Variants in SENP8 observed in about 807,000 individuals in gnomAD.
SENP8 encodes the protein SUMO peptidase family member, NEDD8 specific.
A neutral mutation model predicts 14.4 loss-of-function variants in SENP8; 10 were observed. The ratio of observed to expected loss-of-function variants is 0.69; its 90% CI spans 0.43 to 1.18. SENP8 has a LOEUF of 1.18. SENP8 is among the 50% of genes most tolerant of loss of function. SENP8 has a pLI of 0.00. For missense variants in SENP8, 202 were observed against 249.4 expected, an observed-to-expected ratio of 0.81 and a Z score of 1.28; for synonymous variants, 94 against 95.5, an observed-to-expected ratio of 0.98 and a Z score of 0.09.
Position 72,143,510 on chromosome 15 carries a change from A to G in SENP8, c.*3248A>G, listed in dbSNP as rs2081393085. The G allele has an allele frequency of 6.6e-6, 1 of 152,224 alleles. No individual in the cohort carries two copies. Among genetic ancestry groups the G allele is most frequent in the Non-Finnish European group, 1.5e-5 (1 of 68,038 alleles). The allele number at this position is 152,224 out of a possible 1,614,324, so 9.4% of individuals were successfully genotyped here. A position where few individuals can be genotyped will look rare whatever the true frequency, so the allele number is the denominator to read the frequency against. ...CTGTAATGTGCAGGGTACTTTATGCACACATATTACACAAGTACCTTGCAT... is the reference window on the plus strand; with the variant it reads ...CTGTAATGTGCAGGGTACTTTATGCGCACATATTACACAAGTACCTTGCAT... On this transcript the variant is annotated 3_prime_UTR_variant, in exon 2 of 2. Transcript: ENST00000340912.
upstream of SENP8, chr15:72,117,309 C>T: frequency 6.5e-6 from 1 of 152,884 alleles, no homozygotes; most frequent in Non-Finnish European, 1.5e-5. Flanking sequence ...GGTTAGGGGG[C>T]GGTCGAGACT....
In SENP8 at chr15:72,139,905, C is replaced by T. The variant is rs774015624; in HGVS notation, c.282C>T (p.Ser94=). The part of the protein sequence containing the change: ...RVVFLAINDN[S]NQAAGGTHWS... Reference sequence around the variant, plus strand: ...TATTTTTAGCCATCAATGATAACTCCAACCAGGCAGCTGGAGGAACCCACT... The same window carrying T: ...TATTTTTAGCCATCAATGATAACTCTAACCAGGCAGCTGGAGGAACCCACT... The change falls in exon 2 of 2, where the codon TCC becomes TCT. Residue 94 remains serine (S), a synonymous_variant. Transcript: ENST00000340912. 3 of 1,614,226 alleles carry T rather than the reference C, an allele frequency of 1.9e-6. No individual in the cohort carries two copies. The highest frequency in any genetic ancestry group is 2.5e-6 in the Non-Finnish European group (3 of 1,180,044).
At chr15:72,126,573 C>T (rs2081221743) in intron 1 of SENP8, among the ~76,000 whole-genome samples, 1 of 152,106 alleles carries the variant, frequency 6.6e-6, no homozygotes, top group African/African-American at 2.4e-5. Context: ...TGCAGTGAGC[C>T]GAGATTGCGC....
rs2081236848 is a variant in SENP8, at chr15:72,128,027, A to G, written c.-48+9563A>G. Reference sequence around the variant, plus strand: ...AGGATCACTTGAGCCCATCAGTTAAAGGCTGCAGTGAGCTATGATTGCACC... The same window carrying G: ...AGGATCACTTGAGCCCATCAGTTAAGGGCTGCAGTGAGCTATGATTGCACC... On this transcript the variant is annotated intron_variant, in intron 1 of 1. Coordinates refer to ENST00000340912, the MANE Select transcript of SENP8 (RefSeq NM_145204.4). 3.3e-5 allele frequency among the ~76,000 whole-genome samples: 5 copies of G among 151,576 alleles called. No individual in the cohort carries two copies. The South Asian group carries it at 1.1e-3, about 32-fold the overall frequency.
chr15:72,135,026 C>T (rs985688994), intron 1 of SENP8: 35 of 335,682 alleles, frequency 1.0e-4, no homozygotes, highest in Non-Finnish European at 2.9e-5. Context: ...CCTGAAGCAC[C>T]AGCCTGCTCC....
At chr15:72,130,557 ATTT>A (rs11411490) in intron 1 of SENP8, among the ~76,000 whole-genome samples, 3 of 106,160 alleles carry the variant, frequency 2.8e-5, no homozygotes, top group Admixed American at 1.2e-4. Context: ...ATGTTTTAGG[ATTT>A]TTTTTTTTTT....
At chr15:72,118,994 G>C (rs139014294) in intron 1 of SENP8, among the ~76,000 whole-genome samples, 1 of 151,934 alleles carries the variant, frequency 6.6e-6, no homozygotes, top group Non-Finnish European at 1.5e-5. Context: ...GCAGAATAAC[G>C]GGCGCAAGAG....
At chr15:72,117,837 G>C (rs894134400), upstream of SENP8, 3 of 398,512 alleles carry the variant, frequency 7.5e-6, no homozygotes, top group African/African-American at 4.1e-5. Context: ...CTCAGGGTCC[G>C]GGCGAGCGGC....
At chr15:72,135,418 G>GT (rs1251034891) in intron 1 of SENP8, 3 of 147,950 alleles carry the variant, frequency 2.0e-5, no homozygotes, top group East Asian at 2.0e-4. Context: ...GCTGGTAGGT[G>GT]TTAAAAAAAA....
chr15:72,132,012 A>T (rs941475345), intron 1 of SENP8, among the ~76,000 whole-genome samples: 1 of 152,204 alleles, frequency 6.6e-6, no homozygotes, highest in African/African-American at 2.4e-5. Context: ...TAATTCGTGT[A>T]ACAACCTGTG....
At chr15:72,134,965 GA>G (rs1256113094) in intron 1 of SENP8, 9 of 308,402 alleles carry the variant, frequency 2.9e-5, no homozygotes, top group Non-Finnish European at 5.1e-5. Context: ...AATCGTGAAG[GA>G]AAATGATCAG....
chr15:72,142,875 A>G lies in SENP8; in HGVS notation c.*2613A>G, dbSNP rs888767097. ...ACCGTATGTTTTAATAACACATTCC[A>G]TTGAAATGACCAAGTAGAATTTCTC... is the stretch of plus-strand genomic sequence containing the variant. On this transcript the variant is annotated 3_prime_UTR_variant, in exon 2 of 2. Coordinates refer to ENST00000340912, the MANE Select transcript of SENP8 (RefSeq NM_145204.4). The G allele has an allele frequency of 2.6e-5, 4 of 152,244 alleles. No homozygotes were observed. The highest frequency in any genetic ancestry group is 4.1e-4 in the South Asian group (2 of 4,834). 9.4% of individuals were successfully genotyped at this position (152,244 alleles called of 1,614,324 possible).
chr15:72,128,021 A>C (rs1046321275), intron 1 of SENP8, among the ~76,000 whole-genome samples: 37 of 151,960 alleles, frequency 2.4e-4, no homozygotes, highest in African/African-American at 8.7e-4. Context: ...TGAGCCCATC[A>C]GTTAAAGGCT....
intron 1 of SENP8, among the ~76,000 whole-genome samples, chr15:72,131,647 A>T (rs906562595): frequency 1.3e-5 from 2 of 152,212 alleles, no homozygotes; most frequent in African/African-American, 4.8e-5. Flanking sequence ...TATTAGCTTC[A>T]TTTAATTACA....
intron 1 of SENP8, among the ~76,000 whole-genome samples, chr15:72,132,674 TA>T (rs2081286180): frequency 1.3e-5 from 2 of 149,340 alleles, no homozygotes; most frequent in South Asian, 4.2e-4. Flanking sequence ...TTTTTTTTTT[TA>T]AACAGAGTCT....
intron 1 of SENP8, among the ~76,000 whole-genome samples, chr15:72,124,855 AATG>A (rs2081201541): frequency 6.6e-6 from 1 of 152,188 alleles, no homozygotes; most frequent in African/African-American, 2.4e-5. Flanking sequence ...TATTTCTTAA[AATG>A]ATATTTACAC....
chr15:72,116,324 T>C (rs973871645), upstream of SENP8, among the ~76,000 whole-genome samples: 1 of 152,252 alleles, frequency 6.6e-6, no homozygotes, highest in Non-Finnish European at 1.5e-5. Flanking sequence ...AAGACCTCTT[T>C]ATATTTCATC....
In SENP8 at chr15:72,140,403, T is replaced by C; in HGVS notation, c.*141T>C. 1 of 648,468 alleles carries C rather than the reference T, an allele frequency of 1.5e-6. No homozygotes were observed. The highest frequency in any genetic ancestry group is 2.7e-6 in the Non-Finnish European group (1 of 366,246). 40.2% of individuals were successfully genotyped at this position (648,468 alleles called of 1,614,324 possible). ...TCTTTTTCCTGAAAGAATATCATCC[T>C]CTGCATTATCCCCATGGAACGTTTC... On this transcript the variant is annotated 3_prime_UTR_variant, in exon 2 of 2. Coordinates refer to ENST00000340912, the MANE Select transcript of SENP8 (RefSeq NM_145204.4).
chr15:72,115,979 T>C (rs1234540926), upstream of SENP8, among the ~76,000 whole-genome samples: 6 of 151,428 alleles, frequency 4.0e-5, no homozygotes, highest in African/African-American at 1.5e-4. Flanking sequence ...ATATGTATTG[T>C]TAAGAAATGA....
Sources: allele counts gnomAD v4.1 joint callset (sites outside exome capture counted in the v4.1 genomes callset), GRCh38; gene constraint gnomAD v4.1.1; transcripts MANE v1.5; gene names NCBI Gene and HGNC (gene_info 2026-07-23, HGNC 2026-07-21).